MTUS2: variants seen among roughly 807,000 people sequenced by gnomAD.
MTUS2 encodes the protein microtubule associated scaffold protein 2.
Under a neutral mutation model 114.1 loss-of-function variants are expected in MTUS2, and 40 were observed. The observed-to-expected ratio is 0.35, with a 90% CI of 0.27 to 0.46. MTUS2 has a LOEUF of 0.46. Among genes scored for constraint, MTUS2 ranks in the 20% least tolerant of loss-of-function variants. MTUS2 has a pLI of 1.00. For missense variants in MTUS2, 1,679 were observed against 1,705.4 expected (o/e 0.98, Z 0.27); for synonymous variants, 688 against 672.0 (o/e 1.02, Z -0.37).
chr13:29,052,870 T>C (rs1463349041), intron 4 of MTUS2, among the ~76,000 whole-genome samples: 1 of 152,228 alleles, frequency 6.6e-6, no homozygotes, highest in African/African-American at 2.4e-5. Context: ...AATTGAATCA[T>C]GGGGGTGGTT....
At chr13:29,491,794 T>G (rs1364394990) in intron 11 of MTUS2, among the ~76,000 whole-genome samples, 4 of 143,650 alleles carry the variant, frequency 2.8e-5, no homozygotes, top group African/African-American at 1.0e-4. Flanking sequence ...CTGTTGTATG[T>G]AGCGTATGTG....
chr13:29,228,155 G>A (rs960625457), intron 5 of MTUS2, among the ~76,000 whole-genome samples: 1 of 152,160 alleles, frequency 6.6e-6, no homozygotes, highest in Non-Finnish European at 1.5e-5. Context: ...GCAAAAATTG[G>A]AATGAAATGA....
intron 5 of MTUS2, among the ~76,000 whole-genome samples, chr13:29,234,476 G>C (rs1896456600): frequency 6.6e-6 from 1 of 152,088 alleles, no homozygotes; most frequent in African/African-American, 2.4e-5. Flanking sequence ...TGACTACATA[G>C]TATTCAGTTG....
intron 5 of MTUS2, among the ~76,000 whole-genome samples, chr13:29,279,870 AC>A (rs1256519393): frequency 1.3e-5 from 2 of 152,240 alleles, no homozygotes; most frequent in Admixed American, 1.3e-4. Flanking sequence ...TTTGAACTCT[AC>A]AGATGATACA....
chr13:29,295,570 A>C (rs1360239971), intron 6 of MTUS2, among the ~76,000 whole-genome samples: 1 of 152,198 alleles, frequency 6.6e-6, no homozygotes, highest in African/African-American at 2.4e-5. Context: ...AATGTCCTAC[A>C]AGCTCATCCA....
chr13:28,911,111 G>A (rs1159305450), intron 2 of MTUS2, among the ~76,000 whole-genome samples: 3 of 149,460 alleles, frequency 2.0e-5, no homozygotes, highest in Non-Finnish European at 3.0e-5. Context: ...TCCTGACCCC[G>A]TGATCTGCCC....
chr13:29,361,847 C>A (rs1466414429), intron 8 of MTUS2, among the ~76,000 whole-genome samples: 1 of 152,216 alleles, frequency 6.6e-6, no homozygotes, highest in East Asian at 1.9e-4. Flanking sequence ...AGAATTCCAT[C>A]CTGTAAGGAA....
At chr13:29,481,870 A>G (rs1037744295) in intron 10 of MTUS2, among the ~76,000 whole-genome samples, 1 of 152,194 alleles carries the variant, frequency 6.6e-6, no homozygotes, top group African/African-American at 2.4e-5. Flanking sequence ...AGAATAGGTT[A>G]CAGCTGAAGT....
At chr13:29,378,632 C>A (rs1362207039) in intron 8 of MTUS2, among the ~76,000 whole-genome samples, 2 of 152,196 alleles carry the variant, frequency 1.3e-5, no homozygotes, top group African/African-American at 4.8e-5. Flanking sequence ...AAACAGTGAA[C>A]CTGGGCAGAA....
At chr13:29,266,168 G>A (rs1312093304) in intron 5 of MTUS2, among the ~76,000 whole-genome samples, 1 of 152,198 alleles carries the variant, frequency 6.6e-6, no homozygotes, top group Non-Finnish European at 1.5e-5. Context: ...TTACCACTGA[G>A]TGCTGATATG....
At chr13:29,005,241 A>G (rs530748791) in intron 2 of MTUS2, among the ~76,000 whole-genome samples, 1 of 152,258 alleles carries the variant, frequency 6.6e-6, no homozygotes, top group East Asian at 1.9e-4. Flanking sequence ...CACCAGCATT[A>G]TGGTCGAGGG....
At chr13:29,283,749 T>C (rs1898368016) in intron 6 of MTUS2, among the ~76,000 whole-genome samples, 1 of 151,906 alleles carries the variant, frequency 6.6e-6, no homozygotes, top group Non-Finnish European at 1.5e-5. Context: ...TGTAGAAAAA[T>C]GGGTTAGGAA....
intron 8 of MTUS2, among the ~76,000 whole-genome samples, chr13:29,380,065 T>C (rs931110605): frequency 6.6e-6 from 1 of 152,172 alleles, no homozygotes; most frequent in Non-Finnish European, 1.5e-5. Flanking sequence ...AGATGGAAAT[T>C]GGAGCTCATT....
At chr13:29,350,081 A>C (rs1412528667) in intron 7 of MTUS2, among the ~76,000 whole-genome samples, 1 of 151,948 alleles carries the variant, frequency 6.6e-6, no homozygotes, top group Admixed American at 6.6e-5. Flanking sequence ...TCTGTGTTTC[A>C]TTCTAGATAG....
At chr13:29,483,331 TTTGCAGCA>T (rs1881343752) in intron 10 of MTUS2, among the ~76,000 whole-genome samples, 3 of 152,232 alleles carry the variant, frequency 2.0e-5, no homozygotes, top group Admixed American at 6.5e-5. Flanking sequence ...GACCTCCGGC[TTTGCAGCA>T]GCACCTCCGT....
chr13:29,021,884 G>C (rs1886307493), intron 2 of MTUS2, among the ~76,000 whole-genome samples: 1 of 152,202 alleles, frequency 6.6e-6, no homozygotes, highest in Non-Finnish European at 1.5e-5. Flanking sequence ...GAGCAACTTG[G>C]TTGAGGGCTA....
intron 5 of MTUS2, among the ~76,000 whole-genome samples, chr13:29,225,199 T>G (rs1049749522): frequency 4.6e-5 from 7 of 152,256 alleles, no homozygotes; most frequent in African/African-American, 1.7e-4. Flanking sequence ...CTCAAGCCCT[T>G]CCCTGTCTTT....
At chr13:29,034,149 C>T (rs748040699) in intron 4 of MTUS2, 24 bp downstream of exon 4, 1 of 1,612,988 alleles carries the variant, frequency 6.2e-7, no homozygotes, top group Admixed American at 1.7e-5. Flanking sequence ...CAGTTTCTGC[C>T]TTTTCCTGCT....
chr13:29,402,056 A>G (rs1416492579), intron 8 of MTUS2, among the ~76,000 whole-genome samples: 7 of 152,164 alleles, frequency 4.6e-5, no homozygotes, highest in Non-Finnish European at 5.9e-5. Context: ...ATATATATGG[A>G]TGTATATATA....
Sources: gnomAD v4.1 joint callset for allele counts (sites outside exome capture counted in the v4.1 genomes callset) on GRCh38, gnomAD v4.1.1 for gene constraint, MANE v1.5 for transcripts, NCBI Gene and HGNC (gene_info 2026-07-23, HGNC 2026-07-21) for gene names.